Variants in CHRM2 observed in about 807,000 individuals in gnomAD.
The protein encoded by CHRM2 is cholinergic receptor muscarinic 2.
In CHRM2, 8 loss-of-function variants were observed where a neutral mutation model predicts 25.0. The ratio of observed to expected loss-of-function variants is 0.32; its 90% CI spans 0.19 to 0.58. The LOEUF is 0.58. Ranked by LOEUF, CHRM2 falls within the 20% of genes least tolerant of loss-of-function variation. CHRM2 has a pLI of 0.88. For synonymous variants in CHRM2, 202 were observed against 205.7 expected (o/e 0.98, Z 0.15); for missense variants, 440 against 567.1 (o/e 0.78, Z 2.28).
chr7:136,986,260 T>A (rs918738326), intron 2 of CHRM2, among the ~76,000 whole-genome samples: 3 of 152,196 alleles, frequency 2.0e-5, no homozygotes, highest in Non-Finnish European at 2.9e-5. Context: ...TTATTTTTTT[T>A]AAATAAGTAT....
chr7:136,940,448 A>G (rs1799701535), intron 2 of CHRM2, among the ~76,000 whole-genome samples: 1 of 152,232 alleles, frequency 6.6e-6, no homozygotes, highest in South Asian at 2.1e-4. Context: ...TTACTCAATC[A>G]TCTTGTACCT....
chr7:136,956,973 T>G (rs539817713), intron 2 of CHRM2, among the ~76,000 whole-genome samples: 1 of 152,258 alleles, frequency 6.6e-6, no homozygotes, highest in East Asian at 1.9e-4. Flanking sequence ...GCCCTGGGAC[T>G]CACTGTTCAA....
At chr7:136,908,783 T>A (rs1442289996) in intron 2 of CHRM2, among the ~76,000 whole-genome samples, 1 of 151,926 alleles carries the variant, frequency 6.6e-6, no homozygotes, top group Admixed American at 6.6e-5. Context: ...AGCAAAAAAA[T>A]CTATTTTCAC....
rs144688495 is a variant in CHRM2 at position 136,986,784 on chromosome 7, A to C, written c.-124-5403A>C. On this transcript the variant is annotated intron_variant, in intron 2 of 3. Transcript: ENST00000680005. Reference sequence around the variant, plus strand: ...GGAGCACCTGCAAAACATATAAGTTACCCAGGCTTCCTTGTCTATAGGGAC... The same window carrying C: ...GGAGCACCTGCAAAACATATAAGTTCCCCAGGCTTCCTTGTCTATAGGGAC... 1.5e-3 allele frequency among the ~76,000 whole-genome samples: 232 copies of C among 152,304 alleles called. 2 individuals carry two copies. The East Asian group carries it at 0.039, about 25-fold the overall frequency.
At chr7:137,005,572 A>T (rs866828386) in intron 3 of CHRM2, among the ~76,000 whole-genome samples, 1 of 151,860 alleles carries the variant, frequency 6.6e-6, no homozygotes, top group African/African-American at 2.4e-5. Context: ...TCCCAAACTG[A>T]CTTTTGTTCC....
chr7:137,014,677 G>C, intron 3 of CHRM2, 143 bp from the exon 4 acceptor site: 1 of 635,252 alleles, frequency 1.6e-6, no homozygotes, highest in Admixed American at 2.9e-5. Flanking sequence ...TTTACATGGG[G>C]AATTGAGGCA....
chr7:136,989,864 C>A (rs1803101300), intron 2 of CHRM2, among the ~76,000 whole-genome samples: 1 of 152,090 alleles, frequency 6.6e-6, no homozygotes, highest in Admixed American at 6.6e-5. Flanking sequence ...TCCACTATAG[C>A]ATGAAGTCTG....
intron 2 of CHRM2, among the ~76,000 whole-genome samples, chr7:136,955,394 C>A (rs776099912): frequency 6.6e-6 from 1 of 152,126 alleles, no homozygotes; most frequent in Non-Finnish European, 1.5e-5. Context: ...CTCTTGTCCT[C>A]GGGTTTTCAC....
In CHRM2 at chr7:136,902,890, A is replaced by G. The variant is rs533383617; in HGVS notation, c.-125+33472A>G. 40 of 330,446 alleles carry G rather than the reference A, an allele frequency of 1.2e-4. 1 individual carries two copies. Among genetic ancestry groups the G allele is most frequent in the Admixed American group, 2.7e-4 (6 of 22,500 alleles). 20.5% of individuals were successfully genotyped at this position (330,446 alleles called of 1,614,324 possible). On this transcript the variant is annotated intron_variant, in intron 2 of 3. Transcript: ENST00000680005. The stretch of plus-strand genomic sequence containing the variant: ...GAGCACAGAATTTTGTACTCTTTGG[A>G]TGTTTATGATAAGGTACACATTATT...
intron 2 of CHRM2, among the ~76,000 whole-genome samples, chr7:136,940,660 TA>T (rs1799711820): frequency 6.6e-6 from 1 of 152,162 alleles, no homozygotes; most frequent in African/African-American, 2.4e-5. Context: ...GTAGGATGCA[TA>T]AAAATAATAT....
intron 2 of CHRM2, among the ~76,000 whole-genome samples, chr7:136,874,355 C>CT (rs1280146423): frequency 3.3e-5 from 5 of 151,492 alleles, no homozygotes; most frequent in East Asian, 1.9e-4. Context: ...ATTTATTTCT[C>CT]TTTTTTTTTC....
rs143279862 is a variant in CHRM2, at chr7:137,010,540, C to G, written c.-46-4280C>G. Among the ~76,000 whole-genome samples the G allele has an allele frequency of 9.7e-3, 1,472 of 152,130 alleles. 11 individuals carry two copies. The highest frequency in any genetic ancestry group is 0.015 in the Non-Finnish European group (1,053 of 67,992). ...AAATTTAAAGAGTAGAATTGGCATG[C>G]AGTTTGCAGGAGGAAACTGCTTTCT... On this transcript the variant is annotated intron_variant, in intron 3 of 3. Coordinates refer to ENST00000680005, the MANE Select transcript of CHRM2 (RefSeq NM_001006630.2).
At chr7:136,951,745 C>G (rs556220569) in intron 2 of CHRM2, among the ~76,000 whole-genome samples, 1 of 152,292 alleles carries the variant, frequency 6.6e-6, no homozygotes, top group South Asian at 2.1e-4. Flanking sequence ...ACATTCGTCA[C>G]TGTAAGCACT....
intron 2 of CHRM2, among the ~76,000 whole-genome samples, chr7:136,983,881 G>A (rs1205932003): frequency 6.6e-6 from 1 of 152,174 alleles, no homozygotes; most frequent in Non-Finnish European, 1.5e-5. Flanking sequence ...AATCCCTGCT[G>A]GGAGATGTCT....
At chr7:136,999,455 T>C (rs1466922548) in intron 3 of CHRM2, among the ~76,000 whole-genome samples, 1 of 151,930 alleles carries the variant, frequency 6.6e-6, no homozygotes, top group South Asian at 2.1e-4. Flanking sequence ...GCAGGTTTGT[T>C]ACATATATAT....
At chr7:136,991,888 T>C (rs965821541) in intron 2 of CHRM2, among the ~76,000 whole-genome samples, 1 of 152,172 alleles carries the variant, frequency 6.6e-6, no homozygotes, top group African/African-American at 2.4e-5. Flanking sequence ...ACACTTATTT[T>C]AAGCTGAAGG....
At chr7:136,988,442 A>G (rs1187404774) in intron 2 of CHRM2, among the ~76,000 whole-genome samples, 5 of 152,120 alleles carry the variant, frequency 3.3e-5, no homozygotes, top group African/African-American at 1.2e-4. Flanking sequence ...GCTGGCCTAT[A>G]TGTTATGTGC....
chr7:136,965,652 C>T (rs1036338676), intron 2 of CHRM2, among the ~76,000 whole-genome samples: 8 of 151,976 alleles, frequency 5.3e-5, no homozygotes, highest in African/African-American at 1.9e-4. Context: ...GAAGCTCCTA[C>T]AGACACAAAA....
intron 2 of CHRM2, among the ~76,000 whole-genome samples, chr7:136,879,468 T>A (rs1796176270): frequency 6.6e-6 from 1 of 152,010 alleles, no homozygotes; most frequent in Non-Finnish European, 1.5e-5. Context: ...ACCATTTATT[T>A]GCATGCCCCC....
Sources: allele counts gnomAD v4.1 joint callset (sites outside exome capture counted in the v4.1 genomes callset), GRCh38; gene constraint gnomAD v4.1.1; transcripts MANE v1.5; gene names NCBI Gene and HGNC (gene_info 2026-07-23, HGNC 2026-07-21).